The following BAZ2B variants were observed in gnomAD, a reference collection of about 807,000 sequenced individuals.
BAZ2B encodes bromodomain adjacent to zinc finger domain 2B, also known as bromodomain adjacent to zinc finger domain protein 2B.
Under a neutral mutation model 246.0 loss-of-function variants are expected in BAZ2B, and 91 were observed. The ratio of observed to expected loss-of-function variants is 0.37; its 90% CI spans 0.31 to 0.44. BAZ2B has a LOEUF of 0.44. Ranked by LOEUF, BAZ2B falls within the 20% of genes least tolerant of loss-of-function variation. The pLI, the probability that BAZ2B is intolerant of heterozygous loss-of-function variation, is 1.00. For synonymous variants in BAZ2B, 855 were observed against 860.0 expected (o/e 0.99, Z 0.10); for missense variants, 2,332 against 2,533.7 (o/e 0.92, Z 1.71).
chr2:159,555,532 C>T (rs1166550687), intron 2 of BAZ2B: 1 of 151,982 alleles, frequency 6.6e-6, no homozygotes, highest in African/African-American at 2.4e-5. Flanking sequence ...AAAAAGATGA[C>T]GTTCAGAATT....
At chr2:159,629,676 G>C in the BAZ2B span, among the ~76,000 whole-genome samples, 2 of 152,000 alleles carry the variant, frequency 1.3e-5, no homozygotes, top group African/African-American at 2.4e-5. Flanking sequence ...GCCTGTTGGG[G>C]GATAGGGGGC....
intron 2 of BAZ2B, among the ~76,000 whole-genome samples, chr2:159,519,968 C>T (rs2083951228): frequency 6.6e-6 from 1 of 151,710 alleles, no homozygotes; most frequent in Non-Finnish European, 1.5e-5. Flanking sequence ...ATAAATGTGA[C>T]TCTGTCTTCA....
chr2:159,583,414 T>C (rs1185891729), intron 1 of BAZ2B, among the ~76,000 whole-genome samples: 1 of 152,192 alleles, frequency 6.6e-6, no homozygotes, highest in African/African-American at 2.4e-5. Context: ...CACATCCAGC[T>C]ATGAAATATA....
rs532000794 is a variant in BAZ2B, at chr2:159,532,734, C to T, written c.-3+23089G>A. On this transcript the variant is annotated intron_variant, in intron 2 of 36. Transcript: ENST00000392783. ...TATCTAAGGTCTTTTTCTGCTCTGG[C>T]ACTCTCTGATAAAAGGATTCTGTGT... Among the ~76,000 whole-genome samples the T allele has an allele frequency of 2.7e-3, 404 of 152,262 alleles. 1 individual carries two copies. The highest frequency in any genetic ancestry group is 5.2e-3 in the Non-Finnish European group (356 of 68,006).
At chr2:159,465,542 G>T (rs1400508106) in intron 3 of BAZ2B, among the ~76,000 whole-genome samples, 2 of 152,156 alleles carry the variant, frequency 1.3e-5, no homozygotes, top group Non-Finnish European at 2.9e-5. Flanking sequence ...CTACTAAAAA[G>T]TGAAGTAAAA....
the BAZ2B span, among the ~76,000 whole-genome samples, chr2:159,665,783 T>C: frequency 9.2e-5 from 14 of 152,170 alleles, no homozygotes; most frequent in East Asian, 1.9e-4. Flanking sequence ...ATTCAGGACA[T>C]AGGCGTGTCA....
At chr2:159,427,496 T>C (rs756019837) in intron 13 of BAZ2B, among the ~76,000 whole-genome samples, 6 of 152,144 alleles carry the variant, frequency 3.9e-5, no homozygotes, top group Non-Finnish European at 7.4e-5. Flanking sequence ...AAATGCATCA[T>C]ATAGCGTGGC....
At chr2:159,633,420 C>T in the BAZ2B span, among the ~76,000 whole-genome samples, 1 of 152,170 alleles carries the variant, frequency 6.6e-6, no homozygotes, top group Non-Finnish European at 1.5e-5. Flanking sequence ...TACATATCCT[C>T]AGTGTGTTAA....
At chr2:159,397,441 T>G in intron 18 of BAZ2B, 52 bp from the exon 19 acceptor site, 1 of 1,240,594 alleles carries the variant, frequency 8.1e-7, no homozygotes, top group Non-Finnish European at 1.1e-6. Flanking sequence ...ATTTAGAACA[T>G]GCTAAAAGTA....
chr2:159,424,152 C>CT (rs1412468822), intron 13 of BAZ2B, among the ~76,000 whole-genome samples: 3 of 152,064 alleles, frequency 2.0e-5, no homozygotes, highest in Admixed American at 6.5e-5. Context: ...CAATTATGGG[C>CT]TTTTTTTCTT....
At chr2:159,325,945 G>A in intron 34 of BAZ2B, 27 bp from the exon 35 acceptor site, 3 of 1,541,554 alleles carry the variant, frequency 1.9e-6, no homozygotes, top group South Asian at 1.2e-5. Flanking sequence ...AAGTAAATGA[G>A]GTGTAAGAAA....
intron 1 of BAZ2B, among the ~76,000 whole-genome samples, chr2:159,560,922 C>T (rs946069147): frequency 1.3e-5 from 2 of 152,020 alleles, no homozygotes; most frequent in Admixed American, 6.5e-5. Context: ...AGGATATAAG[C>T]AATACTTTTT....
upstream of BAZ2B, among the ~76,000 whole-genome samples, chr2:159,619,837 C>G (rs1696360107): frequency 6.6e-6 from 1 of 151,920 alleles, no homozygotes; most frequent in Admixed American, 6.6e-5. Flanking sequence ...AGGGGGAAAA[C>G]TTCAGATAAA....
Position 159,412,715 on chromosome 2 carries a change from G to T in BAZ2B, c.2467-170C>A, listed in dbSNP as rs1017432637. ...TAAACTTAGATGTATAATTATTCAT[G>T]GCCTTTGGCATAGCTTTAATATTCT... On this transcript the variant is annotated intron_variant, in intron 13 of 36. Transcript: ENST00000392783. 2.6e-5 allele frequency among the ~76,000 whole-genome samples: 4 copies of T among 152,090 alleles called. No homozygotes were observed. In the East Asian group the frequency reaches 5.8e-4, roughly 22 times the overall value.
chr2:159,683,764 C>T, the BAZ2B span, among the ~76,000 whole-genome samples: 1 of 152,190 alleles, frequency 6.6e-6, no homozygotes, highest in Non-Finnish European at 1.5e-5. Context: ...GCAATCTGTG[C>T]TATGTCTTCT....
chr2:159,609,084 T>C (rs1694144669), intron 1 of BAZ2B, among the ~76,000 whole-genome samples: 1 of 152,208 alleles, frequency 6.6e-6, no homozygotes, highest in Admixed American at 6.5e-5. Context: ...TGAAATAGCA[T>C]TTAACATTTT....
chr2:159,439,037 C>T lies in BAZ2B; in HGVS notation c.872G>A (p.Ser291Asn), dbSNP rs1376344577. ...GTTGTTACTTTTATGTTGTGCTTCA[C>T]TCTCTGAATCAGAATCATCATCTTC... ...ESEDDDSDSE[S>N]EAQHKSNNQV... Residue 291 changes from serine to asparagine, a missense_variant, in exon 7 of 37, where the codon AGT becomes AAT. Coordinates refer to ENST00000392783, the MANE Select transcript of BAZ2B (RefSeq NM_013450.4). 1.2e-6 allele frequency: 2 copies of T among 1,613,596 alleles called. No homozygotes were observed. The highest frequency in any genetic ancestry group is 2.7e-5 in the African/African-American group (2 of 74,904).
At chr2:159,318,774 C>T (rs1256088807), downstream of BAZ2B, among the ~76,000 whole-genome samples, 5 of 152,048 alleles carry the variant, frequency 3.3e-5, no homozygotes, top group African/African-American at 7.3e-5. Context: ...AGACAAGGTT[C>T]GGAGAAGTTC....
intron 14 of BAZ2B, among the ~76,000 whole-genome samples, chr2:159,406,328 C>T (rs1206231730): frequency 6.6e-6 from 1 of 152,160 alleles, no homozygotes. Flanking sequence ...GAGCAGTTGA[C>T]CCTACAAATG....
Sources: gnomAD v4.1 joint callset for allele counts (sites outside exome capture counted in the v4.1 genomes callset) on GRCh38, gnomAD v4.1.1 for gene constraint, MANE v1.5 for transcripts, NCBI Gene and HGNC (gene_info 2026-07-23, HGNC 2026-07-21) for gene names.